Variants in CENPI observed in about 807,000 individuals in gnomAD.
CENPI encodes the protein FSH primary response 1.
Under a neutral mutation model 60.4 loss-of-function variants are expected in CENPI, and 4 were observed. The observed-to-expected ratio is 0.07, with a 90% confidence interval of 0.03 to 0.15. CENPI has a LOEUF of 0.15. Among genes scored for constraint, CENPI ranks in the 10% least tolerant of loss-of-function variants. CENPI has a pLI of 1.00. For missense variants in CENPI, 444 were observed against 534.5 expected (o/e 0.83, Z 1.67); for synonymous variants, 157 against 189.4 (o/e 0.83, Z 1.40).
At chrX:101,153,987 T>A (rs148405326) in intron 20 of CENPI, among the ~76,000 whole-genome samples, 1,973 of 111,833 alleles carry the variant, frequency 0.018, 41 homozygotes, top group African/African-American at 0.061. Flanking sequence ...AGTACACAAA[T>A]GTACCCACAC....
At chrX:101,171,829 CAG>C in the CENPI span, among the ~76,000 whole-genome samples, 2 of 111,469 alleles carry the variant, frequency 1.8e-5, no homozygotes, top group African/African-American at 3.3e-5. Context: ...GCATACATAA[CAG>C]AAAAAAATGA....
intron 8 of CENPI, among the ~76,000 whole-genome samples, chrX:101,124,604 C>T (rs1182321758): frequency 1.8e-5 from 2 of 111,195 alleles, no homozygotes; most frequent in Non-Finnish European, 3.8e-5. Context: ...TTCCCATAAT[C>T]CCCACATGTC....
At chrX:101,173,538 T>A in the CENPI span, among the ~76,000 whole-genome samples, 1 of 109,521 alleles carries the variant, frequency 9.1e-6, no homozygotes, top group Non-Finnish European at 1.9e-5. Flanking sequence ...TTAGGAAGCT[T>A]TCTTATGTGT....
intron 20 of CENPI, among the ~76,000 whole-genome samples, 183 bp downstream of exon 20, chrX:101,148,344 T>C (rs2089979484): frequency 8.9e-6 from 1 of 111,973 alleles, no homozygotes; most frequent in Non-Finnish European, 1.9e-5. Flanking sequence ...AGTAAGTTTC[T>C]GTCCTCTAAG....
rs2089535008 is a variant in CENPI, at chrX:101,109,953, C to T, written c.546C>T (p.Asn182=). Reference sequence around the variant, plus strand: ...TCATTGATCGTAAGGAGCAAATTAACTTGCTCTATGGCTTCTTTTTTGCTT... The same window carrying T: ...TCATTGATCGTAAGGAGCAAATTAATTTGCTCTATGGCTTCTTTTTTGCTT... ...FDFIDRKEQI[N]LLYGFFFASL... The change falls in exon 6 of 22, where the codon AAC becomes AAT. Residue 182 remains asparagine, a synonymous_variant. Coordinates refer to ENST00000682095, the MANE Select transcript of CENPI (RefSeq NM_001386188.2). 1 of 1,205,230 alleles carries T rather than the reference C, an allele frequency of 8.3e-7. No homozygotes were observed. The highest frequency in any genetic ancestry group is 1.1e-6 in the Non-Finnish European group (1 of 891,789).
At chrX:101,110,525 T>G (rs923243285) in intron 6 of CENPI, among the ~76,000 whole-genome samples, 1 of 112,619 alleles carries the variant, frequency 8.9e-6, no homozygotes, top group Non-Finnish European at 1.9e-5. Context: ...GAAATCAATC[T>G]ACTGTCCACC....
intron 8 of CENPI, among the ~76,000 whole-genome samples, chrX:101,125,321 T>C (rs1408658250): frequency 8.9e-6 from 1 of 112,022 alleles, no homozygotes; most frequent in Non-Finnish European, 1.9e-5. Flanking sequence ...CAAAATCTTA[T>C]TTAGATTTCT....
chrX:101,109,797 A>G (rs1333092626), intron 5 of CENPI, 94 bp from the exon 6 acceptor site: 12 of 649,701 alleles, frequency 1.8e-5, no homozygotes, highest in East Asian at 3.3e-5. Context: ...TGAAGCTTCT[A>G]AAATAGCCCT....
At chrX:101,171,659 T>A in the CENPI span, among the ~76,000 whole-genome samples, 12 of 111,231 alleles carry the variant, frequency 1.1e-4, no homozygotes, top group Non-Finnish European at 7.5e-5. Flanking sequence ...ACTCCTGGGA[T>A]CAAACAATCC....
At chrX:101,170,880 C>T (rs886613272), downstream of CENPI, among the ~76,000 whole-genome samples, 8 of 111,132 alleles carry the variant, frequency 7.2e-5, no homozygotes, top group Admixed American at 2.9e-4. Flanking sequence ...GATCTGTGCG[C>T]CTCAGACTCC....
At chrX:101,146,107 T>A in intron 17 of CENPI, 46 bp from the exon 18 acceptor site, 1 of 1,134,578 alleles carries the variant, frequency 8.8e-7, no homozygotes, top group Non-Finnish European at 1.2e-6. Flanking sequence ...AGTTGAGGAG[T>A]TCTGGGGAAT....
Position 101,163,089 on chromosome X carries a change from C to G in CENPI, c.*122C>G. The G allele has an allele frequency of 1.4e-6, 1 of 734,929 alleles. No homozygotes were observed. Among genetic ancestry groups the G allele is most frequent in the South Asian group, 2.5e-5 (1 of 39,240 alleles). The allele number at this position is 734,929 out of a possible 1,213,427, so 60.6% of individuals were successfully genotyped here. On this transcript the variant is annotated 3_prime_UTR_variant, in exon 22 of 22. Coordinates refer to ENST00000682095, the MANE Select transcript of CENPI (RefSeq NM_001386188.2). ...CAGACTGCCATCCTCAAGGAGTACT[C>G]AGACTGGCCTTCTGTTCATGGCTTA...
intron 15 of CENPI, among the ~76,000 whole-genome samples, chrX:101,138,617 C>T (rs1343994640): frequency 1.8e-5 from 2 of 108,565 alleles, no homozygotes; most frequent in Non-Finnish European, 3.8e-5. Context: ...TGAGCCACCA[C>T]GCCCAGCCAA....
chrX:101,135,053 G>A (rs1174744253), intron 15 of CENPI, among the ~76,000 whole-genome samples: 1 of 111,287 alleles, frequency 9.0e-6, no homozygotes, highest in Non-Finnish European at 1.9e-5. Context: ...AGGAATTAAG[G>A]GATTGAATGT....
At chrX:101,123,583 AATTTT>A (rs1468174115) in intron 8 of CENPI, among the ~76,000 whole-genome samples, 1 of 110,420 alleles carries the variant, frequency 9.1e-6, no homozygotes, top group Non-Finnish European at 1.9e-5. Flanking sequence ...TTTAAATTTA[AATTTT>A]ATTTTAATTT....
At chrX:101,119,838 G>A (rs1277698544) in intron 6 of CENPI, among the ~76,000 whole-genome samples, 1 of 111,622 alleles carries the variant, frequency 9.0e-6, no homozygotes, top group Non-Finnish European at 1.9e-5. Context: ...AGGAAATCAG[G>A]ATAAAAGTTT....
chrX:101,141,794 G>T (rs893275790), intron 16 of CENPI, among the ~76,000 whole-genome samples: 6 of 110,596 alleles, frequency 5.4e-5, no homozygotes, highest in Non-Finnish European at 9.5e-5. Flanking sequence ...GTACAGTGAC[G>T]CAGTCTTTGC....
At chrX:101,157,730 A>G (rs1418939518) in intron 20 of CENPI, among the ~76,000 whole-genome samples, 1 of 108,674 alleles carries the variant, frequency 9.2e-6, no homozygotes, top group East Asian at 2.9e-4. Context: ...ATTTTGATAC[A>G]GCATACAATA....
At chrX:101,157,649 CAA>C (rs11337861) in intron 20 of CENPI, among the ~76,000 whole-genome samples, 1,062 of 49,094 alleles carry the variant, frequency 0.022, 7 homozygotes, top group African/African-American at 0.039. Flanking sequence ...GACCTTGTCT[CAA>C]AAAAAAAAAA....
Sources: gnomAD v4.1 joint callset for allele counts (sites outside exome capture counted in the v4.1 genomes callset) on GRCh38, gnomAD v4.1.1 for gene constraint, MANE v1.5 for transcripts, NCBI Gene and HGNC (gene_info 2026-07-23, HGNC 2026-07-21) for gene names.